The following CROCC2 variants were observed in gnomAD, a reference collection of about 807,000 sequenced individuals.
CROCC2 encodes ciliary rootlet coiled-coil, rootletin family member 2.
In CROCC2, 163 loss-of-function variants were observed where a neutral mutation model predicts 177.6. The ratio of observed to expected loss-of-function variants is 0.92; its 90% CI spans 0.81 to 1.05. The LOEUF is 1.05. Among genes scored for constraint, CROCC2 ranks in the 50% least tolerant of loss-of-function variants. The pLI is 0.00. For missense variants in CROCC2, 1,929 were observed against 1,797.8 expected (o/e 1.07, Z -1.32); for synonymous variants, 904 against 787.3 (o/e 1.15, Z -2.48).
chr2:240,965,811 C>T lies in CROCC2; in HGVS notation c.3779C>T (p.Ala1260Val), dbSNP rs2059679120. The T allele has an allele frequency of 2.0e-6, 3 of 1,467,992 alleles. No homozygotes were observed. Among genetic ancestry groups the T allele is most frequent in the Non-Finnish European group, 2.7e-6 (3 of 1,107,702 alleles). The allele number at this position is 1,467,992 out of a possible 1,614,324, so 90.9% of individuals were successfully genotyped here. A position where few individuals can be genotyped will look rare whatever the true frequency, so the allele number is the denominator to read the frequency against. ...AGTGGTGTGGCTGATGCTCTCCAGG[C>T]TCGCCTGGACCAGGCCTGTCACCGA... is the stretch of plus-strand genomic sequence containing the variant. ...EASGVADALQ[A>V]RLDQACHRIH... Residue 1260 changes from alanine to valine, a missense_variant, in exon 24 of 32, where the codon GCT becomes GTT. Physicochemically the swap from Ala to Val is moderately conservative, Grantham distance 64. Transcript: ENST00000690015.
chr2:240,984,266 C>G (rs78381380), intron 28 of CROCC2, among the ~76,000 whole-genome samples: 1,799 of 152,220 alleles, frequency 0.012, 35 homozygotes, highest in African/African-American at 0.04. Context: ...TGAGCTCGGA[C>G]CCTGGACGCA....
At chr2:240,928,779 C>T (rs532882664) in intron 5 of CROCC2, among the ~76,000 whole-genome samples, 3 of 139,096 alleles carry the variant, frequency 2.2e-5, no homozygotes, top group African/African-American at 5.0e-5. Flanking sequence ...CCTCGGAGGG[C>T]GTGCAGACAG....
intron 2 of CROCC2, among the ~76,000 whole-genome samples, chr2:240,919,585 G>A (rs1419164860): frequency 2.6e-5 from 4 of 152,190 alleles, no homozygotes; most frequent in Admixed American, 6.5e-5. Context: ...CTGGCTGTGT[G>A]TGTATTTACA....
chr2:240,991,377 C>A, intron 31 of CROCC2, 99 bp downstream of exon 31: 2 of 1,030,666 alleles, frequency 1.9e-6, no homozygotes, highest in South Asian at 1.8e-5. Context: ...CCCTAGGCTG[C>A]TGGGGGAACC....
rs2059694864 is a variant in CROCC2 at position 240,967,990 on chromosome 2, C to T, written c.4268-139C>T. On this transcript the variant is annotated intron_variant, in intron 26 of 31. Coordinates refer to ENST00000690015, the MANE Select transcript of CROCC2 (RefSeq NM_001351305.2). ...TGGGAAGCCGGGACCCTGGGGCAGC[C>T]CCAGGACCCTTGAGCTGCAAGGATG... 8 of 892,198 alleles carry T rather than the reference C, an allele frequency of 9.0e-6. No individual in the cohort carries two copies. In the East Asian group the frequency reaches 2.5e-4, roughly 28 times the overall value. The allele number at this position is 892,198 out of a possible 1,614,324, so 55.3% of individuals were successfully genotyped here.
At chr2:240,968,769 T>G (rs1458434109) in intron 27 of CROCC2, among the ~76,000 whole-genome samples, 1 of 152,180 alleles carries the variant, frequency 6.6e-6, no homozygotes, top group Non-Finnish European at 1.5e-5. Context: ...CATGCCAGGC[T>G]TTGTGCTGGG....
At chr2:240,941,929 G>A (rs1559598737) in intron 14 of CROCC2, among the ~76,000 whole-genome samples, 1 of 152,000 alleles carries the variant, frequency 6.6e-6, no homozygotes, top group Non-Finnish European at 1.5e-5. Flanking sequence ...AGCATCATTT[G>A]TGTCTCACTT....
intron 14 of CROCC2, among the ~76,000 whole-genome samples, chr2:240,940,122 A>G (rs2059488029): frequency 6.6e-6 from 1 of 152,014 alleles, no homozygotes; most frequent in Admixed American, 6.6e-5. Context: ...GTTTTTGTCT[A>G]CTTGCTGCAT....
chr2:240,950,469 C>A lies in CROCC2; in HGVS notation c.2788C>A (p.Arg930=). ...GGAAATTCAGAGCCTGAAGCAGGAG[C>A]GGGACGAGAGCCTTCTCCAACTGGA... The part of the protein sequence containing the change: ...KGEIQSLKQE[R]DESLLQLEHK... Residue 930 remains arginine, a synonymous_variant, in exon 18 of 32, where the codon CGG becomes AGG. Coordinates refer to ENST00000690015, the MANE Select transcript of CROCC2 (RefSeq NM_001351305.2). 2 of 1,550,128 alleles carry A rather than the reference C, an allele frequency of 1.3e-6. No individual in the cohort carries two copies. The highest frequency in any genetic ancestry group is 2.4e-5 in the South Asian group (2 of 84,044).
chr2:240,965,933 C>T lies in CROCC2; in HGVS notation c.3901C>T (p.Leu1301=). 7.1e-7 allele frequency: 1 copy of T among 1,413,704 alleles called. No homozygotes were observed. Among genetic ancestry groups the T allele is most frequent in the East Asian group, 2.7e-5 (1 of 37,088 alleles). 87.6% of individuals were successfully genotyped at this position (1,413,704 alleles called of 1,614,324 possible). ...GRLCSTLRRG[L]GLQRQSPWAS... ...GCTGTGCTCCACGCTCCGCCGTGGC[C>T]TGGGGCTCCAGAGACAGAGCCCGTG... Residue 1301 remains leucine (L), a synonymous_variant, in exon 24 of 32, where the codon CTG becomes TTG. Transcript: ENST00000690015.
Position 240,947,553 on chromosome 2 carries a change from C to G in CROCC2, c.2363+1300C>G, listed in dbSNP as rs1226094428. 4.6e-5 allele frequency among the ~76,000 whole-genome samples: 7 copies of G among 152,356 alleles called. 1 individual carries two copies. The South Asian group carries it at 1.2e-3, about 27-fold the overall frequency. ...ACCTGAAGCCACGTCTGCCCGGACA[C>G]ACTCTGTGTGTTTATCTGACTGGCC... On this transcript the variant is annotated intron_variant, in intron 15 of 31. Transcript: ENST00000690015.
Position 240,966,246 on chromosome 2 carries a change from T to C in CROCC2, c.3983T>C (p.Leu1328Pro), listed in dbSNP as rs963131054. The change falls in exon 25 of 32, where the codon CTC becomes CCC. Residue 1328 changes from leucine to proline, a missense_variant. Leu to Pro is a moderately conservative substitution (Grantham distance 98). Coordinates refer to ENST00000690015, the MANE Select transcript of CROCC2 (RefSeq NM_001351305.2). ...GCAGGCTCCGACAGCTCCCAGGCTC[T>C]CCCTGGGCAACAGGGTACCAGCCCC... ...PTKGSDSSQA[L>P]PGQQGTSPPA... is the part of the protein sequence containing the mutation. The C allele has an allele frequency of 5.6e-6, 4 of 711,956 alleles. No homozygotes were observed. Among genetic ancestry groups the C allele is most frequent in the Non-Finnish European group, 7.8e-6 (4 of 510,224 alleles). 44.1% of individuals were successfully genotyped at this position (711,956 alleles called of 1,614,324 possible).
At chr2:240,963,985 A>C (rs1047272314) in intron 21 of CROCC2, 1 of 605,200 alleles carries the variant, frequency 1.7e-6, no homozygotes, top group African/African-American at 1.9e-5. Context: ...GGACATGGAC[A>C]CACCTGTCCC....
At chr2:240,951,214 T>C (rs149318969) in intron 18 of CROCC2, among the ~76,000 whole-genome samples, 2 of 149,232 alleles carry the variant, frequency 1.3e-5, no homozygotes, top group African/African-American at 5.0e-5. Flanking sequence ...CATCCATCCG[T>C]CTGTCCATCC....
Position 240,949,859 on chromosome 2 carries a change from C to T in CROCC2, c.2652+157C>T, listed in dbSNP as rs543302614. Among the ~76,000 whole-genome samples the T allele has an allele frequency of 1.3e-5, 2 of 152,302 alleles. No individual in the cohort carries two copies. The highest frequency in any genetic ancestry group is 1.9e-4 in the East Asian group (1 of 5,176). On this transcript the variant is annotated intron_variant, in intron 17 of 31. Transcript: ENST00000690015. This position sits in a 1 kb window ranked among gnomAD's most constrained non-coding sequence, Gnocchi z 4.5. Reference sequence around the variant, plus strand: ...GGACCAGCTCACTCTTTATAGTTCACGTGGGCATCCAGGGCCTTCCCCGTG... The same window carrying T: ...GGACCAGCTCACTCTTTATAGTTCATGTGGGCATCCAGGGCCTTCCCCGTG...
At chr2:240,948,853 C>G in intron 15 of CROCC2, 126 bp from the exon 16 acceptor site, 1 of 887,342 alleles carries the variant, frequency 1.1e-6, no homozygotes. Context: ...ACCATAATTT[C>G]TAAAACATTC....
chr2:240,946,962 G>C (rs911476562), intron 15 of CROCC2, among the ~76,000 whole-genome samples: 4 of 152,264 alleles, frequency 2.6e-5, no homozygotes, highest in African/African-American at 9.6e-5. Context: ...CAGAAGTTGG[G>C]ACGGGCACTC....
intron 13 of CROCC2, 122 bp from the exon 14 acceptor site, chr2:240,935,236 G>A: frequency 8.4e-7 from 1 of 1,194,674 alleles, no homozygotes; most frequent in Non-Finnish European, 1.1e-6. Context: ...AGGGAAGAGA[G>A]TGCCCCTGGG....
chr2:240,985,826 A>G (rs1003488356), intron 28 of CROCC2: 1 of 402,092 alleles, frequency 2.5e-6, no homozygotes, highest in African/African-American at 2.1e-5. Flanking sequence ...CTCACTCCAC[A>G]CACACCCAGG....
Sources: gnomAD v4.1 joint callset for allele counts (sites outside exome capture counted in the v4.1 genomes callset) on GRCh38, gnomAD v4.1.1 for gene constraint, Gnocchi (gnomAD v3.1) non-coding constraint, MANE v1.5 for transcripts, NCBI Gene and HGNC (gene_info 2026-07-23, HGNC 2026-07-21) for gene names.